Variants in AGBL4 observed in about 807,000 individuals in gnomAD.
AGBL4 encodes AGBL carboxypeptidase 4.
AGBL4 carries 58 observed loss-of-function variants against 66.4 expected under a neutral mutation model. The ratio of observed to expected loss-of-function variants is 0.87; its 90% CI spans 0.71 to 1.09. AGBL4 has a LOEUF of 1.09. Ranked by LOEUF, AGBL4 falls within the 50% of genes least tolerant of loss-of-function variation. The pLI is 0.00. For synonymous variants in AGBL4, 234 were observed against 222.9 expected (o/e 1.05, Z -0.44); for missense variants, 579 against 631.0 (o/e 0.92, Z 0.88).
At chr1:48,614,794 G>T (rs1645292996) in intron 9 of AGBL4, among the ~76,000 whole-genome samples, 1 of 152,108 alleles carries the variant, frequency 6.6e-6, no homozygotes, top group Non-Finnish European at 1.5e-5. Context: ...TACAAACAAA[G>T]TATGGGGGGA....
At chr1:49,259,107 G>C (rs531415903) in intron 3 of AGBL4, among the ~76,000 whole-genome samples, 8 of 152,056 alleles carry the variant, frequency 5.3e-5, no homozygotes, top group Non-Finnish European at 1.2e-4. Context: ...AGCAAATGCT[G>C]AGAGACTTTG....
At chr1:49,111,133 A>C (rs1301408234) in intron 4 of AGBL4, among the ~76,000 whole-genome samples, 4 of 85,210 alleles carry the variant, frequency 4.7e-5, no homozygotes, top group African/African-American at 1.9e-4. Context: ...TTTTTTTTTG[A>C]GATGGACTCT....
At chr1:49,355,254 T>C (rs943111836) in intron 3 of AGBL4, among the ~76,000 whole-genome samples, 3 of 152,194 alleles carry the variant, frequency 2.0e-5, no homozygotes, top group Admixed American at 6.5e-5. Flanking sequence ...AAAATTCACC[T>C]CATAATCTCC....
intron 2 of AGBL4, among the ~76,000 whole-genome samples, chr1:49,792,595 TG>T (rs1477186121): frequency 6.6e-6 from 1 of 152,088 alleles, no homozygotes; most frequent in Non-Finnish European, 1.5e-5. Context: ...ACAGGTCCAG[TG>T]GCAAACAATG....
intron 4 of AGBL4, among the ~76,000 whole-genome samples, chr1:49,234,143 T>A (rs1422487693): frequency 6.6e-6 from 1 of 152,226 alleles, no homozygotes; most frequent in African/African-American, 2.4e-5. Context: ...TTGTATTTGC[T>A]TGATCCATTA....
intron 2 of AGBL4, among the ~76,000 whole-genome samples, chr1:49,800,671 C>A (rs1446583922): frequency 9.3e-6 from 1 of 107,724 alleles, no homozygotes; most frequent in Admixed American, 1.1e-4. Flanking sequence ...CAATTTCATC[C>A]ATGTCCCTAT....
rs541201833 is a variant in AGBL4 at position 49,147,164 on chromosome 1, C to T, written c.377+98606G>A. Among the ~76,000 whole-genome samples, 168 of 152,236 alleles carry T rather than the reference C, an allele frequency of 1.1e-3. 1 individual carries two copies. Among genetic ancestry groups the T allele is most frequent in the Non-Finnish European group, 2.1e-3 (141 of 68,008 alleles). ...GAAATATCTGCTAGTCTTAATCATTCTGCAGAATGACATCTGAAAATCCAT... is the reference window on the plus strand; with the variant it reads ...GAAATATCTGCTAGTCTTAATCATTTTGCAGAATGACATCTGAAAATCCAT... On this transcript the variant is annotated intron_variant, in intron 4 of 13. Coordinates refer to ENST00000371839, the MANE Select transcript of AGBL4 (RefSeq NM_032785.4).
chr1:49,844,777 A>C, intron 2 of AGBL4: 2 of 1,584,288 alleles, frequency 1.3e-6, no homozygotes, highest in Admixed American at 3.3e-5. Flanking sequence ...CTTGGTAGAA[A>C]GATTCCTCTG....
chr1:49,822,310 C>CGTGTGTGTGTGT (rs143957066), intron 2 of AGBL4, among the ~76,000 whole-genome samples: 1 of 145,794 alleles, frequency 6.9e-6, no homozygotes, highest in Non-Finnish European at 1.5e-5. Flanking sequence ...CTTCTTTCTT[C>CGTGTGTGTGTGT]GTGTGTGTGT....
chr1:49,673,776 C>G (rs910082305), intron 3 of AGBL4, among the ~76,000 whole-genome samples: 1 of 151,668 alleles, frequency 6.6e-6, no homozygotes. Flanking sequence ...AAATAAAGCT[C>G]ACAGATCAGT....
At chr1:48,963,738 A>G (rs1658193315) in intron 5 of AGBL4, among the ~76,000 whole-genome samples, 1 of 152,170 alleles carries the variant, frequency 6.6e-6, no homozygotes, top group Non-Finnish European at 1.5e-5. Flanking sequence ...TGTGCCCTGA[A>G]TGCCTAACTA....
chr1:49,581,840 A>G, intron 3 of AGBL4, among the ~76,000 whole-genome samples: 1 of 152,042 alleles, frequency 6.6e-6, no homozygotes, highest in East Asian at 1.9e-4. Context: ...TTGCATGTCA[A>G]TTGTAGTAGT....
chr1:49,382,899 G>A (rs942998873), intron 3 of AGBL4, among the ~76,000 whole-genome samples: 1 of 152,146 alleles, frequency 6.6e-6, no homozygotes, highest in Non-Finnish European at 1.5e-5. Context: ...CAGCTACTTG[G>A]AAGGCTGATG....
chr1:49,626,040 A>G (rs1645457647), intron 3 of AGBL4, among the ~76,000 whole-genome samples: 1 of 152,136 alleles, frequency 6.6e-6, no homozygotes. Flanking sequence ...ATGTGTTAAA[A>G]CTACTGGTAG....
At chr1:49,299,766 T>G (rs241501) in intron 3 of AGBL4, among the ~76,000 whole-genome samples, 124,037 of 152,020 alleles carry the variant, frequency 0.82, 51,263 homozygotes, top group African/African-American at 0.94. Flanking sequence ...ACCAATGTAA[T>G]CTAGAGGTTT....
intron 6 of AGBL4, among the ~76,000 whole-genome samples, chr1:48,797,684 G>T (rs767280763): frequency 2.6e-5 from 4 of 151,714 alleles, no homozygotes; most frequent in Non-Finnish European, 4.4e-5. Flanking sequence ...TGCAACCTTC[G>T]CCACCTGGGT....
chr1:49,603,929 T>TACACAC (rs60862640), intron 3 of AGBL4, among the ~76,000 whole-genome samples: 87 of 140,630 alleles, frequency 6.2e-4, no homozygotes, highest in East Asian at 1.9e-3. Flanking sequence ...TTCCATGGTA[T>TACACAC]ACACACACAC....
At position 48,898,671 on chromosome 1, in the gene AGBL4, C is replaced by A. The variant is rs554590156; in HGVS notation, c.595-31441G>T. On this transcript the variant is annotated intron_variant, in intron 5 of 13. Coordinates refer to ENST00000371839, the MANE Select transcript of AGBL4 (RefSeq NM_032785.4). ...TGCTTATTTTTTTTTTATGCCAGTA[C>A]CATGTTGTTTTAGGTATTAGAGCTT... Among the ~76,000 whole-genome samples the A allele has an allele frequency of 1.9e-3, 295 of 152,036 alleles. 2 individuals carry two copies. The highest frequency in any genetic ancestry group is 6.9e-3 in the African/African-American group (286 of 41,442).
chr1:49,173,629 T>C (rs1646778792), intron 4 of AGBL4, among the ~76,000 whole-genome samples: 1 of 152,180 alleles, frequency 6.6e-6, no homozygotes, highest in South Asian at 2.1e-4. Context: ...AAAAAAGATA[T>C]GTCAGCATGT....
Sources: allele counts gnomAD v4.1 joint callset (sites outside exome capture counted in the v4.1 genomes callset), GRCh38; gene constraint gnomAD v4.1.1; transcripts MANE v1.5; gene names NCBI Gene and HGNC (gene_info 2026-07-23, HGNC 2026-07-21).